LNX1: variants seen among roughly 807,000 people sequenced by gnomAD.
The protein encoded by LNX1 is E3 ubiquitin-protein ligase LNX.
A neutral mutation model predicts 68.4 loss-of-function variants in LNX1; 54 were observed. The observed-to-expected ratio is 0.79, with a 90% CI of 0.63 to 0.99. The LOEUF is 0.99. Ranked by LOEUF, LNX1 falls within the 50% of genes least tolerant of loss-of-function variation. LNX1 has a pLI of 0.00. For missense variants in LNX1, 906 were observed against 926.4 expected (o/e 0.98, Z 0.29); for synonymous variants, 336 against 350.0 (o/e 0.96, Z 0.45).
rs376687449 is a variant in LNX1 at position 53,545,908 on chromosome 4, A to G, written c.380+27715T>C. On this transcript the variant is annotated intron_variant, in intron 2 of 10. Transcript: ENST00000263925. ...CTACAACCTCTGCCTCGCAGGTTCA[A>G]GCAATTCTCCCGCCTCAACCTCCTG... Among the ~76,000 whole-genome samples, 256 of 151,152 alleles carry G rather than the reference A, an allele frequency of 1.7e-3. 3 individuals are homozygous for G. The South Asian group carries it at 0.039, about 23-fold the overall frequency.
intron 1 of LNX1, among the ~76,000 whole-genome samples, chr4:53,580,693 G>A (rs1369355): frequency 0.28 from 42,346 of 152,040 alleles, 6,078 homozygotes; most frequent in African/African-American, 0.34. Flanking sequence ...GCAAAAATAT[G>A]TAGTGGCATT....
chr4:53,503,079 T>C (rs1435503554), intron 4 of LNX1, among the ~76,000 whole-genome samples: 1 of 152,162 alleles, frequency 6.6e-6, no homozygotes, highest in Non-Finnish European at 1.5e-5. Flanking sequence ...ATCTTTAAGC[T>C]CCACTTCTAA....
At position 53,496,064 on chromosome 4, in the gene LNX1, G is replaced by T; in HGVS notation, c.1309C>A (p.Leu437Ile). Residue 437 changes from leucine (L) to isoleucine (I), a missense_variant, in exon 6 of 11, where the codon CTT (leucine) becomes ATT (isoleucine). Coordinates refer to ENST00000263925, the MANE Select transcript of LNX1 (RefSeq NM_001126328.3). ...DRVLAINGHD[L>I]RYGSPESAAH... The stretch of plus-strand genomic sequence containing the variant: ...GCACTTTCTGGGCTGCCATATCGAA[G>T]ATCATGTCCATTGATGGCTAACACA... 6.2e-7 allele frequency: 1 copy of T among 1,614,090 alleles called. No homozygotes were observed. Among genetic ancestry groups the T allele is most frequent in the South Asian group, 1.1e-5 (1 of 91,076 alleles).
At chr4:53,582,976 C>T (rs1731932015) in intron 1 of LNX1, among the ~76,000 whole-genome samples, 1 of 152,206 alleles carries the variant, frequency 6.6e-6, no homozygotes. Flanking sequence ...GTCTGCCTAA[C>T]TACTGCCCTG....
At chr4:53,649,507 C>T (rs1735013881) in intron 1 of LNX1, among the ~76,000 whole-genome samples, 1 of 152,220 alleles carries the variant, frequency 6.6e-6, no homozygotes, top group Non-Finnish European at 1.5e-5. Context: ...AGTCTACAAT[C>T]CAGCACCACT....
intron 1 of LNX1, among the ~76,000 whole-genome samples, chr4:53,648,199 T>C (rs904499916): frequency 6.6e-6 from 1 of 152,274 alleles, no homozygotes; most frequent in Non-Finnish European, 1.5e-5. Context: ...ACAATAGCTG[T>C]ATCAGTCTAC....
intron 2 of LNX1, among the ~76,000 whole-genome samples, chr4:53,604,832 T>G (rs893059356): frequency 4.6e-5 from 7 of 152,180 alleles, no homozygotes; most frequent in African/African-American, 1.7e-4. Flanking sequence ...CAGGCCACCT[T>G]TCTCAAGAAA....
At chr4:53,466,312 A>G (rs867379044) in intron 9 of LNX1, among the ~76,000 whole-genome samples, 1 of 152,256 alleles carries the variant, frequency 6.6e-6, no homozygotes, top group South Asian at 2.1e-4. Flanking sequence ...ACATACTTAA[A>G]GCAGCTTTGA....
Position 53,468,556 on chromosome 4 carries a change from T to A in LNX1, c.1893-6963A>T, listed in dbSNP as rs544139757. ...AAAAGACACAGACTGGCAAACTGGA[T>A]AAAGTCAAGACCCATCAGTGTGCTG... On this transcript the variant is annotated intron_variant, in intron 9 of 10. Transcript: ENST00000263925. Among the ~76,000 whole-genome samples, 41 of 152,162 alleles carry A rather than the reference T, an allele frequency of 2.7e-4. No individual in the cohort carries two copies. In the South Asian group the frequency reaches 8.5e-3, roughly 32 times the overall value.
At chr4:53,576,417 A>G in intron 1 of LNX1, 10 of 1,477,148 alleles carry the variant, frequency 6.8e-6, no homozygotes, top group Non-Finnish European at 7.2e-6. Context: ...TATTCAGGTC[A>G]GGCTTGGACA....
At chr4:53,557,441 C>T (rs1282477595) in intron 2 of LNX1, among the ~76,000 whole-genome samples, 1 of 152,046 alleles carries the variant, frequency 6.6e-6, no homozygotes, top group African/African-American at 2.4e-5. Context: ...TTTACTGATA[C>T]TATACCTGTT....
chr4:53,607,727 A>T (rs1305285685), intron 2 of LNX1, among the ~76,000 whole-genome samples: 1 of 152,210 alleles, frequency 6.6e-6, no homozygotes, highest in African/African-American at 2.4e-5. Flanking sequence ...AAACTATAGT[A>T]CAAGGCCATA....
intron 6 of LNX1, among the ~76,000 whole-genome samples, chr4:53,489,309 A>C (rs1231122944): frequency 6.6e-6 from 1 of 152,168 alleles, no homozygotes; most frequent in East Asian, 1.9e-4. Context: ...TATTTTTCCC[A>C]GTAGACTATA....
intron 2 of LNX1, chr4:53,603,616 G>A (rs1733108325): frequency 6.6e-6 from 1 of 152,526 alleles, no homozygotes; most frequent in Non-Finnish European, 1.5e-5. Context: ...GAAGGCAAAG[G>A]GGAACCCATG....
At chr4:53,644,656 G>C (rs1262565264) in intron 1 of LNX1, among the ~76,000 whole-genome samples, 4 of 152,176 alleles carry the variant, frequency 2.6e-5, no homozygotes, top group Admixed American at 2.6e-4. Context: ...GAGGGAGCGG[G>C]ATTCCATGTC....
chr4:53,469,156 C>A (rs1455333406), intron 9 of LNX1, among the ~76,000 whole-genome samples: 4 of 152,150 alleles, frequency 2.6e-5, no homozygotes, highest in Non-Finnish European at 5.9e-5. Context: ...GACCACAGTG[C>A]AATCAAACTA....
chr4:53,599,296 C>A (rs539474933), intron 2 of LNX1, among the ~76,000 whole-genome samples: 3 of 152,256 alleles, frequency 2.0e-5, no homozygotes, highest in African/African-American at 7.2e-5. Context: ...TAAAACCCAC[C>A]AAAACCAAGA....
intron 1 of LNX1, among the ~76,000 whole-genome samples, chr4:53,651,921 G>A (rs930779786): frequency 2.0e-5 from 3 of 152,086 alleles, no homozygotes; most frequent in African/African-American, 4.8e-5. Context: ...AAAAAATAGG[G>A]TATAAAGAGC....
At chr4:53,637,574 T>G (rs1483617026) in intron 1 of LNX1, among the ~76,000 whole-genome samples, 1 of 152,168 alleles carries the variant, frequency 6.6e-6, no homozygotes, top group Non-Finnish European at 1.5e-5. Context: ...CCCACGACAC[T>G]GTAAGGTAGG....
Sources: allele counts gnomAD v4.1 joint callset (sites outside exome capture counted in the v4.1 genomes callset), GRCh38; gene constraint gnomAD v4.1.1; transcripts MANE v1.5; gene names NCBI Gene and HGNC (gene_info 2026-07-23, HGNC 2026-07-21).